DIS3L2: variants seen among roughly 807,000 people sequenced by gnomAD.
The protein encoded by DIS3L2 is DIS3 like 3'-5' exoribonuclease 2, also known as DIS3-like exonuclease 2.
In DIS3L2, 34 loss-of-function variants were observed where a neutral mutation model predicts 97.5. That is an observed-to-expected ratio of 0.35 (90% CI 0.27 to 0.46). DIS3L2 has a LOEUF of 0.46. Among genes scored for constraint, DIS3L2 ranks in the 20% least tolerant of loss-of-function variants. The pLI, the probability that DIS3L2 is intolerant of heterozygous loss-of-function variation, is 1.00. For synonymous variants in DIS3L2, 435 were observed against 445.2 expected (o/e 0.98, Z 0.29); for missense variants, 1,038 against 1,146.0 (o/e 0.91, Z 1.36).
At chr2:232,085,951 C>T (rs544583082) in intron 5 of DIS3L2, among the ~76,000 whole-genome samples, 5 of 152,176 alleles carry the variant, frequency 3.3e-5, no homozygotes, top group African/African-American at 9.6e-5. Flanking sequence ...GGACTACAGG[C>T]GCCCTGCCCC....
At chr2:232,078,383 C>T (rs530996195) in intron 5 of DIS3L2, among the ~76,000 whole-genome samples, 45 of 152,194 alleles carry the variant, frequency 3.0e-4, no homozygotes, top group South Asian at 8.3e-4. Flanking sequence ...GCCCTTCCCC[C>T]CCGCCCCGCT....
chr2:232,086,675 G>GTGTGTT (rs1696659191), intron 5 of DIS3L2, among the ~76,000 whole-genome samples: 1 of 124,002 alleles, frequency 8.1e-6, no homozygotes, highest in African/African-American at 3.5e-5. Flanking sequence ...GTGTGTGTGT[G>GTGTGTT]TGTATATATA....
At chr2:232,251,487 C>T (rs1037886482) in intron 12 of DIS3L2, among the ~76,000 whole-genome samples, 1 of 152,180 alleles carries the variant, frequency 6.6e-6, no homozygotes, top group African/African-American at 2.4e-5. Flanking sequence ...TATACAATAT[C>T]TGTTCAATGA....
chr2:232,086,340 TAC>T (rs1696595001), intron 5 of DIS3L2, among the ~76,000 whole-genome samples: 1 of 138,682 alleles, frequency 7.2e-6, no homozygotes, highest in Non-Finnish European at 1.5e-5. Context: ...TATGTATATA[TAC>T]ATATATGTAT....
At chr2:232,020,481 C>T (rs926271768) in intron 3 of DIS3L2, among the ~76,000 whole-genome samples, 6 of 152,070 alleles carry the variant, frequency 3.9e-5, no homozygotes, top group Admixed American at 1.3e-4. Context: ...GGGAGGCATC[C>T]CTGATGCTTG....
intron 10 of DIS3L2, among the ~76,000 whole-genome samples, chr2:232,211,624 G>A (rs1185986028): frequency 2.0e-5 from 3 of 152,210 alleles, no homozygotes; most frequent in African/African-American, 7.2e-5. Context: ...TGCAGTTTCA[G>A]TCTGCCACCA....
chr2:231,974,052 A>G (rs1049090916), intron 1 of DIS3L2, among the ~76,000 whole-genome samples: 9 of 152,086 alleles, frequency 5.9e-5, no homozygotes, highest in Non-Finnish European at 1.3e-4. Context: ...AAAAAAATAT[A>G]TATATATACT....
At chr2:232,204,894 C>T (rs994734827) in intron 9 of DIS3L2, among the ~76,000 whole-genome samples, 1 of 152,106 alleles carries the variant, frequency 6.6e-6, no homozygotes, top group African/African-American at 2.4e-5. Context: ...CTCGTAATTG[C>T]GGTGATGACA....
intron 12 of DIS3L2, among the ~76,000 whole-genome samples, chr2:232,255,417 A>G (rs758853747): frequency 1.3e-5 from 2 of 152,186 alleles, no homozygotes; most frequent in Non-Finnish European, 2.9e-5. Flanking sequence ...GTCTATTGGA[A>G]TGGCTTACTT....
At chr2:232,057,272 A>G (rs1695570775) in intron 5 of DIS3L2, among the ~76,000 whole-genome samples, 4 of 152,156 alleles carry the variant, frequency 2.6e-5, no homozygotes, top group African/African-American at 9.6e-5. Context: ...GCAGAATTGT[A>G]AGGTGGCCCT....
intron 6 of DIS3L2, among the ~76,000 whole-genome samples, chr2:232,096,657 G>A (rs1430909142): frequency 2.6e-5 from 4 of 151,804 alleles, no homozygotes; most frequent in Non-Finnish European, 4.4e-5. Context: ...AATAACCTGT[G>A]TTCAACCTCA....
At chr2:232,279,500 GTGTGTGTTTGTT>G (rs1694226710) in intron 13 of DIS3L2, among the ~76,000 whole-genome samples, 1 of 112,382 alleles carries the variant, frequency 8.9e-6, no homozygotes, top group Admixed American at 9.5e-5. Flanking sequence ...GAGAATTGGT[GTGTGTGTTTGTT>G]TGTTTGTTTG....
At chr2:232,146,004 C>T (rs111896426) in intron 8 of DIS3L2, among the ~76,000 whole-genome samples, 7 of 152,224 alleles carry the variant, frequency 4.6e-5, no homozygotes, top group African/African-American at 9.6e-5. Context: ...AGGATAGGGA[C>T]AGTACTGATG....
At chr2:232,336,346 G>A in intron 20 of DIS3L2, 123 bp from the exon 21 acceptor site, 1 of 1,547,946 alleles carries the variant, frequency 6.5e-7, no homozygotes, top group Non-Finnish European at 8.7e-7. Context: ...TTACAGACAG[G>A]CGAGCAGAGG....
At chr2:232,070,266 C>T (rs1275897945) in intron 5 of DIS3L2, among the ~76,000 whole-genome samples, 2 of 152,122 alleles carry the variant, frequency 1.3e-5, no homozygotes, top group Admixed American at 6.5e-5. Flanking sequence ...GATTCCGTCT[C>T]AAAGAAAAGA....
rs189376149 is a variant in DIS3L2, at chr2:232,011,959, T to C, written c.-93-2876T>C. On this transcript the variant is annotated intron_variant, in intron 1 of 20. Transcript: ENST00000325385. Reference sequence around the variant, plus strand: ...AGCCACGATGCCCAGCCATTGTTTGTTCATTTTCTACTTAGCATTTTATAT... The same window carrying C: ...AGCCACGATGCCCAGCCATTGTTTGCTCATTTTCTACTTAGCATTTTATAT... Among the ~76,000 whole-genome samples, 491 of 152,350 alleles carry C rather than the reference T, an allele frequency of 3.2e-3. 1 individual carries two copies. The highest frequency in any genetic ancestry group is 3.3e-3 in the Non-Finnish European group (227 of 68,030).
rs774893393 is a variant in DIS3L2 at position 232,325,097 on chromosome 2, A to G, written c.1740-4716A>G. 9.9e-5 allele frequency among the ~76,000 whole-genome samples: 15 copies of G among 152,224 alleles called. No individual in the cohort carries two copies. The highest frequency in any genetic ancestry group is 2.1e-4 in the Non-Finnish European group (14 of 68,048). On this transcript the variant is annotated intron_variant, in intron 14 of 20. Coordinates refer to ENST00000325385, the MANE Select transcript of DIS3L2 (RefSeq NM_152383.5). This position sits in a 1 kb window ranked among gnomAD's most constrained non-coding sequence, Gnocchi z 4.6. ...AAGGCAGGCTTCCTCTGAAGAGCAG[A>G]TCGCTTTACCCCTTTCTCATCTCAT...
chr2:232,136,539 A>C lies in DIS3L2; in HGVS notation c.770A>C (p.Lys257Thr). ...GGCTTCCTCAAACTCTTGGCTGATA[A>C]GAACAGCGAACTGTTTAGGAAATAC... Reference protein sequence around the residue: ...ATGFLKLLADKNSELFRKYAL... With the variant: ...ATGFLKLLADTNSELFRKYAL... The change falls in exon 8 of 21, where the codon AAG (lysine) becomes ACG (threonine). Residue 257 changes from lysine to threonine, a missense_variant. Lys to Thr is a moderately conservative substitution (Grantham distance 78, BLOSUM62 -1). Around this residue, in one of 3 missense-constraint regions of DIS3L2, gnomAD observed 813 missense variants for 880.1 expected, o/e 0.92. Transcript: ENST00000325385. 6.2e-7 allele frequency: 1 copy of C among 1,614,072 alleles called. No individual in the cohort carries two copies. Among genetic ancestry groups the C allele is most frequent in the Non-Finnish European group, 8.5e-7 (1 of 1,179,964 alleles).
At chr2:232,079,469 G>A (rs1323409103) in intron 5 of DIS3L2, among the ~76,000 whole-genome samples, 4 of 151,466 alleles carry the variant, frequency 2.6e-5, no homozygotes, top group Non-Finnish European at 4.4e-5. Context: ...GGTGGCTGGC[G>A]GGCACCTGTA....
Sources: gnomAD v4.1 joint callset for allele counts (sites outside exome capture counted in the v4.1 genomes callset) on GRCh38, gnomAD v4.1.1 for gene constraint, gnomAD v4.1.1 regional missense constraint, Gnocchi (gnomAD v3.1) non-coding constraint, MANE v1.5 for transcripts, NCBI Gene and HGNC (gene_info 2026-07-23, HGNC 2026-07-21) for gene names.